Variants in POU2F3 observed in about 807,000 individuals in gnomAD.
POU2F3 encodes the protein POU domain, class 2, transcription factor 3.
A neutral mutation model predicts 59.2 loss-of-function variants in POU2F3; 23 were observed. The observed-to-expected ratio is 0.39, with a 90% CI of 0.28 to 0.55. POU2F3 has a LOEUF of 0.55. Ranked by LOEUF, POU2F3 falls within the 20% of genes least tolerant of loss-of-function variation. POU2F3 has a pLI of 0.66. For missense variants in POU2F3, 473 were observed against 544.5 expected (o/e 0.87, Z 1.31); for synonymous variants, 190 against 214.6 (o/e 0.89, Z 1.00).
intron 3 of POU2F3, among the ~76,000 whole-genome samples, chr11:120,288,932 C>A (rs772911502): frequency 6.7e-6 from 1 of 149,756 alleles, no homozygotes; most frequent in African/African-American, 2.5e-5. Flanking sequence ...ACCTTTTTCA[C>A]AGGCAAAAGA....
chr11:120,284,471 C>T (rs984518710), intron 3 of POU2F3, among the ~76,000 whole-genome samples: 4 of 152,126 alleles, frequency 2.6e-5, no homozygotes, highest in East Asian at 1.9e-4. Context: ...CGGCTGGGCC[C>T]GGGAGCTATT....
At chr11:120,246,370 G>A in intron 1 of POU2F3, 79 bp from the exon 2 acceptor site, 1 of 1,363,694 alleles carries the variant, frequency 7.3e-7, no homozygotes, top group Non-Finnish European at 1.0e-6. Context: ...ATTCATCTTT[G>A]TTATTTAGTT....
chr11:120,257,346 A>G (rs116989966), intron 2 of POU2F3, among the ~76,000 whole-genome samples: 3,861 of 151,574 alleles, frequency 0.025, 71 homozygotes, highest in Middle Eastern at 0.051. Context: ...CCTTTCTGCT[A>G]TTTTGTTCTT....
At chr11:120,302,075 GT>G (rs1417952898) in intron 5 of POU2F3, 2 of 557,288 alleles carry the variant, frequency 3.6e-6, no homozygotes, top group Non-Finnish European at 3.2e-6. Flanking sequence ...TTACATGTCT[GT>G]TTATCCCTGT....
chr11:120,283,307 C>T (rs1458464047), intron 3 of POU2F3, among the ~76,000 whole-genome samples: 1 of 152,170 alleles, frequency 6.6e-6, no homozygotes, highest in African/African-American at 2.4e-5. Context: ...GCTGCACTTG[C>T]CCACGTGACC....
At chr11:120,299,012 C>T (rs539743893) in intron 4 of POU2F3, among the ~76,000 whole-genome samples, 1 of 152,154 alleles carries the variant, frequency 6.6e-6, no homozygotes, top group South Asian at 2.1e-4. Context: ...AGAGCTCTGG[C>T]GTCTCCATTG....
upstream of POU2F3, chr11:120,236,702 G>GGAGA: frequency 2.0e-6 from 3 of 1,495,610 alleles, no homozygotes; most frequent in Non-Finnish European, 1.8e-6. Context: ...GCTAAAGGAG[G>GGAGA]AAGGGGTAAA....
intron 3 of POU2F3, among the ~76,000 whole-genome samples, chr11:120,281,679 G>A (rs1254486555): frequency 2.0e-5 from 3 of 151,896 alleles, no homozygotes; most frequent in Admixed American, 1.3e-4. Flanking sequence ...ATTTCCTCCC[G>A]TATACTTCAT....
chr11:120,262,094 G>A (rs911383710), intron 2 of POU2F3, among the ~76,000 whole-genome samples: 1 of 152,248 alleles, frequency 6.6e-6, no homozygotes, highest in Non-Finnish European at 1.5e-5. Context: ...GGGGAGGAAG[G>A]AAAAGTCCAC....
intron 10 of POU2F3, among the ~76,000 whole-genome samples, chr11:120,312,727 C>T: frequency 6.6e-6 from 1 of 152,128 alleles, no homozygotes; most frequent in Non-Finnish European, 1.5e-5. Flanking sequence ...AGCAGGAAAA[C>T]AGATACTAAA....
intron 2 of POU2F3, among the ~76,000 whole-genome samples, chr11:120,253,209 T>C (rs1939190163): frequency 6.6e-6 from 1 of 152,146 alleles, no homozygotes; most frequent in Admixed American, 6.5e-5. Flanking sequence ...TCACACCCAA[T>C]TCAGCTGGAG....
At chr11:120,310,174 CTGTGTGATGGAGGCT>C (rs1941616909) in intron 10 of POU2F3, among the ~76,000 whole-genome samples, 1 of 152,118 alleles carries the variant, frequency 6.6e-6, no homozygotes, top group Non-Finnish European at 1.5e-5. Flanking sequence ...AATGGTCAGG[CTGTGTGATGGAGGCT>C]TGGCCCAGGG....
intron 5 of POU2F3, chr11:120,300,763 C>CA (rs1658564852): frequency 4.0e-6 from 1 of 251,904 alleles, no homozygotes; most frequent in African/African-American, 2.9e-5. Context: ...AACTCTGTCT[C>CA]TGAAAAAAAA....
Position 120,309,484 on chromosome 11 carries a change from G to A in POU2F3, c.966G>A (p.Lys322=), listed in dbSNP as rs148695404. 17 of 1,613,980 alleles carry A rather than the reference G, an allele frequency of 1.1e-5. No homozygotes were observed. Among genetic ancestry groups the A allele is most frequent in the Non-Finnish European group, 1.4e-5 (16 of 1,179,962 alleles). ...TTGCAGAGCAGTTGTCCATGGAGAAGGAGGTGGTGAGGGTCTGGTTCTGCA... is the reference window on the plus strand; with the variant it reads ...TTGCAGAGCAGTTGTCCATGGAGAAAGAGGTGGTGAGGGTCTGGTTCTGCA... The part of the protein sequence containing the change: ...SMIAEQLSME[K]EVVRVWFCNR... Residue 322 remains lysine (K), a synonymous_variant, in exon 10 of 13, where the codon AAG becomes AAA. Transcript: ENST00000543440.
chr11:120,303,923 T>C (rs763449617), intron 6 of POU2F3: 1 of 152,230 alleles, frequency 6.6e-6, no homozygotes, highest in Non-Finnish European at 1.5e-5. Flanking sequence ...AGGCCCAGAT[T>C]CCACTCTATC....
intron 2 of POU2F3, among the ~76,000 whole-genome samples, chr11:120,251,602 C>A (rs1034980349): frequency 6.6e-6 from 1 of 152,112 alleles, no homozygotes; most frequent in Admixed American, 6.5e-5. Context: ...GTAGTCCCCC[C>A]CAGACATGGA....
chr11:120,262,817 G>A (rs1939654496), intron 2 of POU2F3, among the ~76,000 whole-genome samples: 2 of 152,146 alleles, frequency 1.3e-5, no homozygotes, highest in Admixed American at 1.3e-4. Context: ...ATATGAAGTA[G>A]AAAAGCGGAT....
rs1316917044 is a variant in POU2F3 at position 120,305,707 on chromosome 11, C to A, written c.691C>A (p.Arg231=). Residue 231 remains arginine, a synonymous_variant, in exon 8 of 13, where the codon CGA becomes AGA. Coordinates refer to ENST00000543440, the MANE Select transcript of POU2F3 (RefSeq NM_014352.4). ...CGACTTCAGCCAGACCACCATCTCA[C>A]GATTTGAGGCCCTCAACCTGAGCTT... is the stretch of plus-strand genomic sequence containing the variant. ...GNDFSQTTIS[R]FEALNLSFKN... is the part of the protein sequence containing the mutation. 1 of 1,613,872 alleles carries A rather than the reference C, an allele frequency of 6.2e-7. No individual in the cohort carries two copies. The highest frequency in any genetic ancestry group is 1.1e-5 in the South Asian group (1 of 91,072).
In POU2F3 at chr11:120,280,966, G is replaced by A. The variant is rs112356174; in HGVS notation, c.132+11722G>A. Among the ~76,000 whole-genome samples the A allele has an allele frequency of 7.1e-3, 1,086 of 152,322 alleles. 17 individuals are homozygous for A. The highest frequency in any genetic ancestry group is 0.025 in the African/African-American group (1,021 of 41,580). On this transcript the variant is annotated intron_variant, in intron 3 of 12. Coordinates refer to ENST00000543440, the MANE Select transcript of POU2F3 (RefSeq NM_014352.4). ...GGGAAGAGGCAGTGTTTGCCTGTGTGTGCCTGCAGGGAGGGGGCGGGCCCT... is the reference window on the plus strand; with the variant it reads ...GGGAAGAGGCAGTGTTTGCCTGTGTATGCCTGCAGGGAGGGGGCGGGCCCT...
Sources: allele counts gnomAD v4.1 joint callset (sites outside exome capture counted in the v4.1 genomes callset), GRCh38; gene constraint gnomAD v4.1.1; transcripts MANE v1.5; gene names NCBI Gene and HGNC (gene_info 2026-07-23, HGNC 2026-07-21).